PRDM16: variants seen among roughly 807,000 people sequenced by gnomAD.
The protein encoded by PRDM16 is histone-lysine N-methyltransferase PRDM16.
A neutral mutation model predicts 110.6 loss-of-function variants in PRDM16; 23 were observed. That is an observed-to-expected ratio of 0.21 (90% CI 0.15 to 0.29). PRDM16 has a LOEUF of 0.29. Among genes scored for constraint, PRDM16 ranks in the 10% least tolerant of loss-of-function variants. The pLI is 1.00. For synonymous variants in PRDM16, 799 were observed against 781.8 expected (o/e 1.02, Z -0.37); for missense variants, 1,615 against 1,794.3 (o/e 0.90, Z 1.81).
intron 1 of PRDM16, among the ~76,000 whole-genome samples, chr1:3,135,781 G>A (rs943930053): frequency 6.6e-6 from 1 of 152,152 alleles, no homozygotes; most frequent in Non-Finnish European, 1.5e-5. Flanking sequence ...AAACCTCCTC[G>A]GAGCTGGATC....
chr1:3,410,692 G>A (rs1024941299), intron 8 of PRDM16, among the ~76,000 whole-genome samples: 3 of 152,186 alleles, frequency 2.0e-5, no homozygotes, highest in Non-Finnish European at 4.4e-5. Context: ...CTAGAGAGCA[G>A]GAGGCACAGT....
chr1:3,314,429 G>A (rs1239850786), intron 3 of PRDM16, among the ~76,000 whole-genome samples: 1 of 152,116 alleles, frequency 6.6e-6, no homozygotes, highest in Non-Finnish European at 1.5e-5. Context: ...CAGTCTGCAG[G>A]TCAGAGGAAG....
intron 3 of PRDM16, among the ~76,000 whole-genome samples, chr1:3,288,996 C>T (rs538711634): frequency 1.8e-4 from 28 of 152,318 alleles, no homozygotes; most frequent in Admixed American, 1.4e-3. Context: ...ACCACCTCCT[C>T]ACAGGGCCTA....
Position 3,208,182 on chromosome 1 carries a change from C to G in PRDM16, c.387+21708C>G, listed in dbSNP as rs561028583. 1 of 152,334 alleles carries G rather than the reference C, an allele frequency of 6.6e-6. No individual in the cohort carries two copies. Among genetic ancestry groups the G allele is most frequent in the Admixed American group, 6.5e-5 (1 of 15,294 alleles). The allele number at this position is 152,334 out of a possible 1,614,324, so 9.4% of individuals were successfully genotyped here. A position where few individuals can be genotyped will look rare whatever the true frequency, so the allele number is the denominator to read the frequency against. On this transcript the variant is annotated intron_variant, in intron 2 of 16. Coordinates refer to ENST00000270722, the MANE Select transcript of PRDM16 (RefSeq NM_022114.4). The surrounding 1 kb of genome is among the most constrained non-coding windows in gnomAD (Gnocchi z 6.1). ...CCCATAACCAGCCAGAGTGGCCACG[C>G]TTGAAGCCTCACGGGGCTCCAGATG...
At chr1:3,147,828 G>A (rs1485063234) in intron 1 of PRDM16, among the ~76,000 whole-genome samples, 1 of 152,174 alleles carries the variant, frequency 6.6e-6, no homozygotes, top group Non-Finnish European at 1.5e-5. Context: ...TGAATCTGAG[G>A]TTCCTCCAGG....
chr1:3,125,504 C>T lies in PRDM16; in HGVS notation c.37+56208C>T, dbSNP rs751231178. Among the ~76,000 whole-genome samples, 9 of 152,378 alleles carry T rather than the reference C, an allele frequency of 5.9e-5. 2 individuals carry two copies. The South Asian group carries it at 1.0e-3, about 18-fold the overall frequency. On this transcript the variant is annotated intron_variant, in intron 1 of 16. Coordinates refer to ENST00000270722, the MANE Select transcript of PRDM16 (RefSeq NM_022114.4). ...GGGCTGTTCGGAAGGGCAGAGTCGC[C>T]GGCTCAGCGGGACACACGCTCTGAA...
intron 1 of PRDM16, among the ~76,000 whole-genome samples, chr1:3,094,157 G>A (rs1642338660): frequency 6.6e-6 from 1 of 152,192 alleles, no homozygotes; most frequent in South Asian, 2.1e-4. Flanking sequence ...GGCACGCAGG[G>A]CAGAGCTGGG....
intron 3 of PRDM16, among the ~76,000 whole-genome samples, chr1:3,292,461 G>A (rs921980531): frequency 6.6e-6 from 1 of 152,210 alleles, no homozygotes; most frequent in African/African-American, 2.4e-5. Context: ...TTGAGCCGTC[G>A]CTCTCCGCCT....
At chr1:3,262,657 C>T (rs72632126) in intron 3 of PRDM16, among the ~76,000 whole-genome samples, 6,124 of 152,260 alleles carry the variant, frequency 0.04, 148 homozygotes, top group Middle Eastern at 0.088. Context: ...TGAAAAGAAC[C>T]CACAGAGAAA....
At position 3,093,021 on chromosome 1, in the gene PRDM16, C is replaced by T. The variant is rs769033482; in HGVS notation, c.37+23725C>T. On this transcript the variant is annotated intron_variant, in intron 1 of 16. Coordinates refer to ENST00000270722, the MANE Select transcript of PRDM16 (RefSeq NM_022114.4). ...TCCCACCTCTGTAATCACTGTCCAA[C>T]TCCTGTAAAGCCAGGAACATGGGGC... Among the ~76,000 whole-genome samples the T allele has an allele frequency of 3.9e-5, 6 of 152,210 alleles. 1 individual carries two copies. The highest frequency in any genetic ancestry group is 8.8e-5 in the Non-Finnish European group (6 of 68,030).
intron 3 of PRDM16, among the ~76,000 whole-genome samples, chr1:3,335,075 C>T (rs1357493940): frequency 2.6e-5 from 4 of 152,196 alleles, no homozygotes; most frequent in Admixed American, 1.3e-4. Context: ...AGACCAGGTT[C>T]CCCCCTGTGG....
intron 2 of PRDM16, among the ~76,000 whole-genome samples, chr1:3,199,777 C>T (rs564024032): frequency 4.0e-4 from 61 of 152,308 alleles, no homozygotes; most frequent in African/African-American, 1.4e-3. Context: ...CAGGACGCCA[C>T]TCTGCTGGCC....
chr1:3,231,890 C>T (rs1168994243), intron 2 of PRDM16, among the ~76,000 whole-genome samples: 1 of 152,224 alleles, frequency 6.6e-6, no homozygotes, highest in Non-Finnish European at 1.5e-5. Flanking sequence ...TGGGGGGTCC[C>T]GGCTGCAGCC....
intron 2 of PRDM16, among the ~76,000 whole-genome samples, chr1:3,210,484 G>A (rs773677736): frequency 3.9e-5 from 6 of 152,264 alleles, no homozygotes; most frequent in Non-Finnish European, 7.3e-5. Flanking sequence ...GGAAGTGTGT[G>A]CGTGCACGCG....
intron 1 of PRDM16, among the ~76,000 whole-genome samples, chr1:3,123,902 G>A (rs1175304689): frequency 1.3e-5 from 2 of 152,228 alleles, no homozygotes; most frequent in Non-Finnish European, 2.9e-5. Context: ...AAGGTTAAAT[G>A]AGGCCCTGTC....
chr1:3,293,644 T>C (rs1641025213), intron 3 of PRDM16, among the ~76,000 whole-genome samples: 2 of 152,222 alleles, frequency 1.3e-5, no homozygotes, highest in African/African-American at 2.4e-5. Flanking sequence ...CTGAATAGTA[T>C]TTGTTCTGAG....
intron 5 of PRDM16, 78 bp from the exon 6 acceptor site, chr1:3,402,712 GC>G: frequency 7.7e-7 from 1 of 1,302,290 alleles, no homozygotes; most frequent in Non-Finnish European, 1.1e-6. Context: ...TGGTGAGGGG[GC>G]CAGGTCTCCA....
At chr1:3,408,857 A>G (rs1302721435) in intron 8 of PRDM16, among the ~76,000 whole-genome samples, 1 of 122,046 alleles carries the variant, frequency 8.2e-6, no homozygotes, top group Non-Finnish European at 1.7e-5. Context: ...TGAGAGCACG[A>G]GGGTGGGCAC....
At position 3,126,548 on chromosome 1, in the gene PRDM16, T is replaced by C. The variant is rs565971102; in HGVS notation, c.37+57252T>C. 6.6e-5 allele frequency among the ~76,000 whole-genome samples: 10 copies of C among 152,272 alleles called. No individual in the cohort carries two copies. The South Asian group carries it at 2.1e-3, about 32-fold the overall frequency. Reference sequence around the variant, plus strand: ...CGGTTCCTGGAATCCCTAGATGAGCTTTGAAAACCCAGGGGCCTGTACCCA... The same window carrying C: ...CGGTTCCTGGAATCCCTAGATGAGCCTTGAAAACCCAGGGGCCTGTACCCA... On this transcript the variant is annotated intron_variant, in intron 1 of 16. Transcript: ENST00000270722.
Sources: gnomAD v4.1 joint callset for allele counts (sites outside exome capture counted in the v4.1 genomes callset) on GRCh38, gnomAD v4.1.1 for gene constraint, Gnocchi (gnomAD v3.1) non-coding constraint, MANE v1.5 for transcripts, NCBI Gene and HGNC (gene_info 2026-07-23, HGNC 2026-07-21) for gene names.